Variants in CLASP2 observed in about 807,000 individuals in gnomAD.
CLASP2 encodes CLIP-associating protein 2.
A neutral mutation model predicts 194.4 loss-of-function variants in CLASP2; 47 were observed. The observed-to-expected ratio is 0.24, with a 90% confidence interval of 0.19 to 0.31. The LOEUF (loss-of-function observed/expected upper bound fraction) is 0.31, where lower values mean the gene tolerates loss of function less well. Among genes scored for constraint, CLASP2 ranks in the 10% least tolerant of loss-of-function variants. The pLI is 1.00. For missense variants in CLASP2, 1,445 were observed against 1,823.6 expected, an observed-to-expected ratio of 0.79 and a Z score of 3.78; for synonymous variants, 619 against 633.5, an observed-to-expected ratio of 0.98 and a Z score of 0.34.
At position 33,507,467 on chromosome 3, in the gene CLASP2, T is replaced by A. The variant is rs563376963; in HGVS notation, c.4317+3091A>T. 3.9e-5 allele frequency among the ~76,000 whole-genome samples: 6 copies of A among 152,286 alleles called. No individual in the cohort carries two copies. The South Asian group carries it at 1.2e-3, about 32-fold the overall frequency. On this transcript the variant is annotated intron_variant, in intron 37 of 38. Transcript: ENST00000682230. ...TGGATTAGATTTAGGTTCAATTGCT[T>A]TAGAAAAGAAAACTTTTAATTTTTA...
At chr3:33,660,679 C>T (rs1273656500) in intron 7 of CLASP2, among the ~76,000 whole-genome samples, 1 of 152,118 alleles carries the variant, frequency 6.6e-6, no homozygotes, top group African/African-American at 2.4e-5. Context: ...GAATTGCGTG[C>T]CATTTTTGGA....
At chr3:33,576,907 T>C (rs1288330734) in intron 23 of CLASP2, among the ~76,000 whole-genome samples, 1 of 151,788 alleles carries the variant, frequency 6.6e-6, no homozygotes, top group East Asian at 1.9e-4. Flanking sequence ...ATTTTGGTTT[T>C]TTTTTTTTTA....
At chr3:33,634,917 G>A (rs1282010558) in intron 8 of CLASP2, among the ~76,000 whole-genome samples, 4 of 152,128 alleles carry the variant, frequency 2.6e-5, no homozygotes, top group African/African-American at 9.7e-5. Flanking sequence ...ATTTGAAAGA[G>A]TGAAAAAATT....
At chr3:33,550,601 A>G (rs1405356765) in intron 30 of CLASP2, among the ~76,000 whole-genome samples, 2 of 151,988 alleles carry the variant, frequency 1.3e-5, no homozygotes, top group Non-Finnish European at 2.9e-5. Context: ...ATGAAAAATA[A>G]TAGCCATACA....
At chr3:33,707,766 T>C (rs1446616655) in intron 1 of CLASP2, among the ~76,000 whole-genome samples, 3 of 152,136 alleles carry the variant, frequency 2.0e-5, no homozygotes, top group Non-Finnish European at 4.4e-5. Context: ...TCAAACATCA[T>C]TACACGAATG....
intron 22 of CLASP2, among the ~76,000 whole-genome samples, chr3:33,583,351 G>C (rs1422924902): frequency 6.6e-6 from 1 of 152,160 alleles, no homozygotes; most frequent in Non-Finnish European, 1.5e-5. Flanking sequence ...AATGACATAA[G>C]TAAATAACTG....
At chr3:33,596,167 A>G (rs1319503727) in intron 19 of CLASP2, among the ~76,000 whole-genome samples, 1 of 152,066 alleles carries the variant, frequency 6.6e-6, no homozygotes, top group Non-Finnish European at 1.5e-5. Flanking sequence ...CCAAGCCACT[A>G]CAGATAAACT....
At chr3:33,705,837 C>A (rs188853553) in intron 1 of CLASP2, among the ~76,000 whole-genome samples, 1 of 152,098 alleles carries the variant, frequency 6.6e-6, no homozygotes, top group Non-Finnish European at 1.5e-5. Context: ...TGAAGACTAC[C>A]CTAATTCTGC....
At chr3:33,610,888 G>A (rs2075037568) in intron 13 of CLASP2, among the ~76,000 whole-genome samples, 1 of 152,154 alleles carries the variant, frequency 6.6e-6, no homozygotes, top group South Asian at 2.1e-4. Flanking sequence ...TCCTAACACA[G>A]TATTTAATTA....
chr3:33,611,288 T>C (rs1280091177), intron 13 of CLASP2, among the ~76,000 whole-genome samples: 4 of 152,226 alleles, frequency 2.6e-5, no homozygotes, highest in Non-Finnish European at 4.4e-5. Flanking sequence ...ATCCTTGTAG[T>C]CCAGGATAAC....
At chr3:33,505,097 CTCAGG>C (rs2047771104) in intron 37 of CLASP2, 1 of 152,244 alleles carries the variant, frequency 6.6e-6, no homozygotes, top group African/African-American at 2.4e-5. Context: ...TCTCCCTTGC[CTCAGG>C]TGGCTATGGG....
At chr3:33,651,382 C>CAAA (rs11317189) in intron 7 of CLASP2, among the ~76,000 whole-genome samples, 14 of 90,202 alleles carry the variant, frequency 1.6e-4, no homozygotes, top group South Asian at 4.1e-4. Flanking sequence ...GATCCTGTCT[C>CAAA]AAAAAAAAAA....
Position 33,604,102 on chromosome 3 carries a change from T to C in CLASP2, c.1750+52A>G, listed in dbSNP as rs149054952. The C allele has an allele frequency of 3.0e-4, 397 of 1,328,602 alleles. 2 individuals carry two copies. The African/African-American group carries it at 5.3e-3, about 18-fold the overall frequency. 82.3% of individuals were successfully genotyped at this position (1,328,602 alleles called of 1,614,324 possible). On this transcript the variant is annotated intron_variant, in intron 17 of 38. Transcript: ENST00000682230. ...GAGCACATCAAAAGAGTTTGAAGGC[T>C]ACTGTTTCAAAGATAAAATAGGTTA...
chr3:33,523,726 A>G (rs755856029), intron 34 of CLASP2, among the ~76,000 whole-genome samples: 1 of 152,200 alleles, frequency 6.6e-6, no homozygotes, highest in East Asian at 1.9e-4. Context: ...TTTGTTTTCT[A>G]CATAATCTAA....
At chr3:33,640,001 CTT>C (rs934731242) in intron 8 of CLASP2, among the ~76,000 whole-genome samples, 2 of 152,160 alleles carry the variant, frequency 1.3e-5, no homozygotes, top group African/African-American at 4.8e-5. Context: ...GGCTCAATCT[CTT>C]TTCCTGAATC....
chr3:33,551,484 TGA>T (rs2059994805), intron 29 of CLASP2, 89 bp from the exon 30 acceptor site: 22 of 1,313,262 alleles, frequency 1.7e-5, no homozygotes, highest in Admixed American at 2.6e-5. Context: ...GTGATGATGA[TGA>T]TTTTTTTTTT....
At chr3:33,675,138 A>C (rs990357531) in intron 6 of CLASP2, among the ~76,000 whole-genome samples, 1 of 152,230 alleles carries the variant, frequency 6.6e-6, no homozygotes, top group African/African-American at 2.4e-5. Context: ...CAACCAAAAA[A>C]GAGAACTTTA....
intron 24 of CLASP2, 139 bp from the exon 25 acceptor site, chr3:33,573,493 G>A (rs2064191896): frequency 1.1e-6 from 1 of 886,582 alleles, no homozygotes; most frequent in South Asian, 1.5e-5. Context: ...ATAACAGAAT[G>A]TCAGTATTTA....
chr3:33,501,442 C>G (rs535851857), intron 38 of CLASP2, among the ~76,000 whole-genome samples: 1 of 152,212 alleles, frequency 6.6e-6, no homozygotes, highest in Non-Finnish European at 1.5e-5. Flanking sequence ...CCCATCACCC[C>G]AACAAACTGC....
Sources: gnomAD v4.1 joint callset for allele counts (sites outside exome capture counted in the v4.1 genomes callset) on GRCh38, gnomAD v4.1.1 for gene constraint, MANE v1.5 for transcripts, NCBI Gene and HGNC (gene_info 2026-07-23, HGNC 2026-07-21) for gene names.